Variants in CMIP observed in about 807,000 individuals in gnomAD.
The protein encoded by CMIP is C-Maf-inducing protein.
In CMIP, 13 loss-of-function variants were observed where a neutral mutation model predicts 97.3. That is an observed-to-expected ratio of 0.13 (90% CI 0.09 to 0.21). CMIP has a LOEUF of 0.21. CMIP is among the 10% of genes least tolerant of loss of function. The pLI, the probability that CMIP is intolerant of heterozygous loss-of-function variation, is 1.00. For missense variants in CMIP, 847 were observed against 1,024.9 expected (o/e 0.83, Z 2.37); for synonymous variants, 538 against 436.3 (o/e 1.23, Z -2.91).
At chr16:81,493,862 C>T (rs1040599743) in intron 1 of CMIP, among the ~76,000 whole-genome samples, 1 of 152,246 alleles carries the variant, frequency 6.6e-6, no homozygotes, top group African/African-American at 2.4e-5. Context: ...CTTCAGGGCC[C>T]AGGCCTGCCC....
At position 81,541,199 on chromosome 16, in the gene CMIP, T is replaced by C. The variant is rs371325166; in HGVS notation, c.301-66368T>C. On this transcript the variant is annotated intron_variant, in intron 1 of 20. Transcript: ENST00000537098. ...GTTCCTACCCCATATCCCATCCTTC[T>C]AGGGTTTTTTCCTTTATATTTACAT... Among the ~76,000 whole-genome samples, 34 of 152,300 alleles carry C rather than the reference T, an allele frequency of 2.2e-4. 1 individual carries two copies. In the East Asian group the frequency reaches 4.8e-3, roughly 22 times the overall value.
intron 6 of CMIP, among the ~76,000 whole-genome samples, chr16:81,662,523 C>T (rs1482397108): frequency 6.6e-6 from 1 of 152,162 alleles, no homozygotes; most frequent in Non-Finnish European, 1.5e-5. Flanking sequence ...GGCTATTTTG[C>T]CTCTGGGAGT....
chr16:81,683,579 G>A (rs576577818), intron 10 of CMIP, among the ~76,000 whole-genome samples: 1 of 151,816 alleles, frequency 6.6e-6, no homozygotes, highest in South Asian at 2.1e-4. Flanking sequence ...TAGTAGAGAC[G>A]GGTTTTTGCC....
intron 3 of CMIP, chr16:81,645,236 G>A (rs72831104): frequency 0.11 from 57,434 of 518,872 alleles, 3,594 homozygotes; most frequent in South Asian, 0.17. Flanking sequence ...TTTCAAAGCC[G>A]GGCTGGGTCC....
At chr16:81,526,661 T>C (rs1227311033) in intron 1 of CMIP, among the ~76,000 whole-genome samples, 2 of 152,192 alleles carry the variant, frequency 1.3e-5, no homozygotes, top group Non-Finnish European at 2.9e-5. Context: ...AAGATTACTC[T>C]AAGAAGGGGC....
chr16:81,558,569 T>C (rs1029347976), intron 1 of CMIP, among the ~76,000 whole-genome samples: 22 of 152,106 alleles, frequency 1.4e-4, no homozygotes, highest in Non-Finnish European at 2.8e-4. Flanking sequence ...TAGCCCCAAA[T>C]GTCAACAGTG....
chr16:81,508,062 G>A (rs1484544456), intron 1 of CMIP, among the ~76,000 whole-genome samples: 12 of 152,200 alleles, frequency 7.9e-5, no homozygotes, highest in Non-Finnish European at 1.5e-4. Flanking sequence ...GAACAGAGAG[G>A]AACAAAGCAG....
Position 81,488,622 on chromosome 16 carries a change from G to A in CMIP, c.300+43081G>A, listed in dbSNP as rs114493590. On this transcript the variant is annotated intron_variant, in intron 1 of 20. Transcript: ENST00000537098. ...GTTCCTTCCCCCATCCCCTCTCTGT[G>A]TGCCCCTTCTCCTTGGTGGCACTCC... 8.6e-3 allele frequency among the ~76,000 whole-genome samples: 1,313 copies of A among 152,092 alleles called. 19 individuals are homozygous for A. The highest frequency in any genetic ancestry group is 0.03 in the African/African-American group (1,251 of 41,470).
At chr16:81,538,625 G>C (rs1255914143) in intron 1 of CMIP, among the ~76,000 whole-genome samples, 1 of 152,086 alleles carries the variant, frequency 6.6e-6, no homozygotes, top group African/African-American at 2.4e-5. Flanking sequence ...TGGATCTCTT[G>C]GTTTCAGTAA....
At chr16:81,550,210 G>T (rs537340539) in intron 1 of CMIP, among the ~76,000 whole-genome samples, 1 of 152,328 alleles carries the variant, frequency 6.6e-6, no homozygotes, top group African/African-American at 2.4e-5. Flanking sequence ...ACCCAGCTTT[G>T]CCAGTTACTC....
In CMIP at chr16:81,700,858, G is replaced by A. The variant is rs527658967; in HGVS notation, c.1756-802G>A. On this transcript the variant is annotated intron_variant, in intron 15 of 20. Coordinates refer to ENST00000537098, the MANE Select transcript of CMIP (RefSeq NM_198390.3). ...TCTGGGTACCTAGAGGTGCTGGGAA[G>A]GAGTTTGGATTTAATCTTGGCTGTC... is the stretch of plus-strand genomic sequence containing the variant. Among the ~76,000 whole-genome samples, 44 of 152,324 alleles carry A rather than the reference G, an allele frequency of 2.9e-4. 1 individual carries two copies. The South Asian group carries it at 8.9e-3, about 31-fold the overall frequency.
intron 1 of CMIP, among the ~76,000 whole-genome samples, chr16:81,461,705 A>G (rs558755586): frequency 4.1e-4 from 62 of 152,230 alleles, no homozygotes; most frequent in Non-Finnish European, 7.6e-4. Flanking sequence ...AAAGTGTGGT[A>G]TAGAGGAAAG....
chr16:81,694,202 C>T (rs912478428), intron 13 of CMIP, among the ~76,000 whole-genome samples: 1 of 152,226 alleles, frequency 6.6e-6, no homozygotes, highest in African/African-American at 2.4e-5. Flanking sequence ...GAGCCTGGTG[C>T]TGATAACCAT....
intron 3 of CMIP, among the ~76,000 whole-genome samples, chr16:81,640,220 G>A (rs983941892): frequency 1.3e-5 from 2 of 152,046 alleles, no homozygotes; most frequent in Non-Finnish European, 1.5e-5. Context: ...TGGGCTGGAG[G>A]CGGGCCTTAG....
chr16:81,669,628 ACCTCC>A (rs2092660284), intron 7 of CMIP, among the ~76,000 whole-genome samples: 3 of 94,910 alleles, frequency 3.2e-5, no homozygotes, highest in Admixed American at 1.1e-4. Context: ...CCAACCTCTC[ACCTCC>A]TTCCACACCC....
At chr16:81,687,151 C>T (rs1342448775) in intron 10 of CMIP, among the ~76,000 whole-genome samples, 1 of 152,178 alleles carries the variant, frequency 6.6e-6, no homozygotes, top group African/African-American at 2.4e-5. Context: ...GCCCCAGGCT[C>T]TGTCATTGGC....
intron 1 of CMIP, among the ~76,000 whole-genome samples, chr16:81,577,585 C>T (rs1011115823): frequency 7.0e-5 from 10 of 143,228 alleles, no homozygotes; most frequent in East Asian, 2.3e-4. Flanking sequence ...ACCTTCATCA[C>T]CACCATCATC....
At chr16:81,707,457 G>A (rs558896613) in intron 20 of CMIP, among the ~76,000 whole-genome samples, 211 of 152,382 alleles carry the variant, frequency 1.4e-3, no homozygotes, top group African/African-American at 4.7e-3. Flanking sequence ...AACTGAGAGA[G>A]GGAATGGGCT....
At chr16:81,551,595 A>G (rs1429708486) in intron 1 of CMIP, among the ~76,000 whole-genome samples, 1 of 152,208 alleles carries the variant, frequency 6.6e-6, no homozygotes, top group Admixed American at 6.5e-5. Context: ...CGTGTGCAGT[A>G]TGTGGGAGCT....
Sources: gnomAD v4.1 joint callset for allele counts (sites outside exome capture counted in the v4.1 genomes callset) on GRCh38, gnomAD v4.1.1 for gene constraint, MANE v1.5 for transcripts, NCBI Gene and HGNC (gene_info 2026-07-23, HGNC 2026-07-21) for gene names.